Variants in METTL5 observed in about 807,000 individuals in gnomAD.
METTL5 encodes rRNA N(6)-adenosine-methyltransferase METTL5.
Under a neutral mutation model 26.5 loss-of-function variants are expected in METTL5, and 28 were observed. The observed-to-expected ratio is 1.06, with a 90% CI of 0.78 to 1.45. The LOEUF (loss-of-function observed/expected upper bound fraction) is 1.45, where lower values mean the gene tolerates loss of function less well. Among genes scored for constraint, METTL5 ranks in the 40% most tolerant of loss-of-function variants. The probability of loss-of-function intolerance (pLI) is 0.00; values close to 1 mark genes in which losing one functional copy is unlikely to be tolerated. For missense variants in METTL5, 231 were observed against 249.9 expected (o/e 0.92, Z 0.51); for synonymous variants, 86 against 82.6 (o/e 1.04, Z -0.22).
At chr2:169,812,313 T>C (rs1355704019) in intron 6 of METTL5, 144 bp downstream of exon 6, 8 of 1,403,742 alleles carry the variant, frequency 5.7e-6, no homozygotes, top group Non-Finnish European at 8.0e-6. Context: ...CAATCTCAGC[T>C]CACTGCAACC....
In METTL5 at chr2:169,824,478, A is replaced by G. The variant is rs370321920; in HGVS notation, c.109+11T>C. The G allele has an allele frequency of 8.1e-6, 13 of 1,604,652 alleles. No homozygotes were observed. Among genetic ancestry groups the G allele is most frequent in the East Asian group, 4.5e-5 (2 of 44,846 alleles). On this transcript the variant is annotated intron_variant, in intron 1 of 6. Transcript: ENST00000260953. ...GCCGAAAGCCGGGGCGTGGTGAACC[A>G]GCCGCCCTACCTGCAATGTGCGGCC...
rs537590300 is a variant in METTL5, at chr2:169,820,107, G to C, written c.407-464C>G. Reference sequence around the variant, plus strand: ...CTAGTGGCTGGGATTACAGGCATGTGCCACCATGCCTGGCTCATTTTGTAT... The same window carrying C: ...CTAGTGGCTGGGATTACAGGCATGTCCCACCATGCCTGGCTCATTTTGTAT... On this transcript the variant is annotated intron_variant, in intron 3 of 6. Coordinates refer to ENST00000260953, the MANE Select transcript of METTL5 (RefSeq NM_014168.4). Among the ~76,000 whole-genome samples, 372 of 152,140 alleles carry C rather than the reference G, an allele frequency of 2.4e-3. 1 individual carries two copies. The highest frequency in any genetic ancestry group is 4.3e-3 in the Non-Finnish European group (290 of 67,994).
At chr2:169,815,362 T>G (rs1329417603) in intron 5 of METTL5, 115 bp downstream of exon 5, 4 of 674,968 alleles carry the variant, frequency 5.9e-6, no homozygotes, top group Non-Finnish European at 1.1e-5. Flanking sequence ...TTACCAATCA[T>G]GCACATTTTG....
chr2:169,821,856 A>C, intron 2 of METTL5, 87 bp downstream of exon 2: 3 of 1,190,656 alleles, frequency 2.5e-6, no homozygotes, highest in Admixed American at 1.9e-5. Flanking sequence ...CATTCTGTGG[A>C]GTCTCATAAA....
chr2:169,811,802 CT>C lies in METTL5; in HGVS notation c.*17del, dbSNP rs1689964619. ...TTCATTTTAAATAGGTTTTAAACGA[CT>C]TTTGTTTGCGGGGCTTTTAAAAGGA... On this transcript the variant is annotated 3_prime_UTR_variant, in exon 7 of 7. Coordinates refer to ENST00000260953, the MANE Select transcript of METTL5 (RefSeq NM_014168.4). 6.2e-7 allele frequency: 1 copy of C among 1,613,522 alleles called. No individual in the cohort carries two copies. Among genetic ancestry groups the C allele is most frequent in the African/African-American group, 1.3e-5 (1 of 74,912 alleles).
chr2:169,823,101 T>C (rs1005191713), intron 1 of METTL5, among the ~76,000 whole-genome samples: 1 of 152,022 alleles, frequency 6.6e-6, no homozygotes, highest in African/African-American at 2.4e-5. Context: ...TCTCCTGCCT[T>C]AGTATCAGCA....
chr2:169,824,344 C>T, intron 1 of METTL5, 145 bp downstream of exon 1: 1 of 653,054 alleles, frequency 1.5e-6, no homozygotes, highest in Non-Finnish European at 2.7e-6. Flanking sequence ...GCTGCAGTGT[C>T]AAGGAAGGCC....
chr2:169,818,014 G>C (rs538753108), intron 4 of METTL5, among the ~76,000 whole-genome samples: 3 of 152,286 alleles, frequency 2.0e-5, no homozygotes, highest in African/African-American at 7.2e-5. Context: ...CTTGTCTGGA[G>C]ACTGGGAACT....
intron 5 of METTL5, 73 bp from the exon 6 acceptor site, chr2:169,812,579 A>G: frequency 1.3e-6 from 2 of 1,493,696 alleles, no homozygotes; most frequent in South Asian, 1.3e-5. Flanking sequence ...AACAACAACA[A>G]CAACAAAAAC....
Position 169,812,480 on chromosome 2 carries a change from A to G in METTL5, c.568T>C (p.Tyr190His), listed in dbSNP as rs149159143. 9.3e-6 allele frequency: 15 copies of G among 1,613,992 alleles called. No homozygotes were observed. The highest frequency in any genetic ancestry group is 3.3e-5 in the Admixed American group (2 of 59,996). Residue 190 changes from tyrosine to histidine, a missense_variant, in exon 6 of 7, where the codon TAC (tyrosine) becomes CAC (histidine). Coordinates refer to ENST00000260953, the MANE Select transcript of METTL5 (RefSeq NM_014168.4). ...ACTGATTTCTTTTTGTGAAACTTGTATGATGCTGGCAGGTCATATCGAAGT... is the reference window on the plus strand; with the variant it reads ...ACTGATTTCTTTTTGTGAAACTTGTGTGATGCTGGCAGGTCATATCGAAGT... ...AELRYDLPAS[Y>H]KFHKKKSVDI...
intron 5 of METTL5, among the ~76,000 whole-genome samples, chr2:169,814,025 C>T (rs549348143): frequency 2.1e-4 from 32 of 152,132 alleles, no homozygotes; most frequent in Non-Finnish European, 3.7e-4. Context: ...TCCCTTATTG[C>T]ACTCTTATTT....
At chr2:169,814,576 CTTT>C (rs71006043) in intron 5 of METTL5, among the ~76,000 whole-genome samples, 14 of 123,812 alleles carry the variant, frequency 1.1e-4, no homozygotes, top group Non-Finnish European at 1.6e-4. Flanking sequence ...TCCAAGCCCA[CTTT>C]TTTTTTTTTT....
chr2:169,821,996 A>C lies in METTL5; in HGVS notation c.171T>G (p.Asp57Glu). The change falls in exon 2 of 7, where the codon GAT (aspartate) becomes GAG (glutamate). Residue 57 changes from aspartate (D) to glutamate (E), a missense_variant. By Grantham distance (45) the Asp-to-Glu change is conservative. Coordinates refer to ENST00000260953, the MANE Select transcript of METTL5 (RefSeq NM_014168.4). The part of the protein sequence containing the change: ...YDDIENKVVA[D>E]LGCGCGVLSI... ...TAAGTACTCCACAACCACATCCTAG[A>C]TCTGCAACGACTTTATTTTCAATGT... 1 of 1,613,574 alleles carries C rather than the reference A, an allele frequency of 6.2e-7. No homozygotes were observed. Among genetic ancestry groups the C allele is most frequent in the South Asian group, 1.1e-5 (1 of 91,078 alleles).
chr2:169,818,323 C>A (rs1192334055), intron 4 of METTL5, among the ~76,000 whole-genome samples: 1 of 152,192 alleles, frequency 6.6e-6, no homozygotes, highest in African/African-American at 2.4e-5. Flanking sequence ...TGGTTTACCC[C>A]ATTCTCTGCC....
intron 2 of METTL5, 59 bp from the exon 3 acceptor site, chr2:169,821,332 A>C: frequency 7.8e-7 from 1 of 1,282,862 alleles, no homozygotes; most frequent in Non-Finnish European, 1.1e-6. Context: ...TAAAAACAAA[A>C]CCAAAATTAG....
At chr2:169,819,764 T>A in intron 3 of METTL5, 121 bp from the exon 4 acceptor site, 1 of 606,222 alleles carries the variant, frequency 1.6e-6, no homozygotes, top group Non-Finnish European at 2.9e-6. Context: ...CTTTTAGCAA[T>A]AAGGGTACAA....
chr2:169,822,680 C>T (rs1348832112), intron 1 of METTL5, among the ~76,000 whole-genome samples: 1 of 151,994 alleles, frequency 6.6e-6, no homozygotes, highest in Non-Finnish European at 1.5e-5. Flanking sequence ...ATCCTCCCGC[C>T]CCGGCTTTCC....
chr2:169,823,964 G>C (rs1312488610), intron 1 of METTL5, among the ~76,000 whole-genome samples: 1 of 152,178 alleles, frequency 6.6e-6, no homozygotes, highest in Non-Finnish European at 1.5e-5. Flanking sequence ...CAGAAAATCT[G>C]TTAAAATATG....
At chr2:169,824,190 A>C (rs558449907) in intron 1 of METTL5, 2 of 289,256 alleles carry the variant, frequency 6.9e-6, no homozygotes, top group Non-Finnish European at 1.3e-5. Flanking sequence ...AGTATGAACA[A>C]GTCTAACAAA....
Sources: allele counts gnomAD v4.1 joint callset (sites outside exome capture counted in the v4.1 genomes callset), GRCh38; gene constraint gnomAD v4.1.1; transcripts MANE v1.5; gene names NCBI Gene and HGNC (gene_info 2026-07-23, HGNC 2026-07-21).